Variants in ALOXE3 observed in about 807,000 individuals in gnomAD.
ALOXE3 encodes the protein arachidonate epidermal lipoxygenase 3.
A neutral mutation model predicts 87.5 loss-of-function variants in ALOXE3; 78 were observed. The observed-to-expected ratio is 0.89, with a 90% CI of 0.74 to 1.08. ALOXE3 has a LOEUF of 1.08. Ranked by LOEUF, ALOXE3 falls within the 50% of genes least tolerant of loss-of-function variation. The probability of loss-of-function intolerance (pLI) is 0.00; values close to 1 mark genes in which losing one functional copy is unlikely to be tolerated. For synonymous variants in ALOXE3, 363 were observed against 370.8 expected (o/e 0.98, Z 0.24); for missense variants, 946 against 912.4 (o/e 1.04, Z -0.47).
intron 6 of ALOXE3, among the ~76,000 whole-genome samples, chr17:8,112,583 A>G (rs1598213242): frequency 6.6e-6 from 1 of 152,052 alleles, no homozygotes; most frequent in African/African-American, 2.4e-5. Flanking sequence ...GGAGATCCCC[A>G]CCAGCCAGCT....
chr17:8,109,054 A>T, intron 12 of ALOXE3, 120 bp downstream of exon 12: 1 of 1,442,062 alleles, frequency 6.9e-7, no homozygotes, highest in Non-Finnish European at 9.4e-7. Flanking sequence ...TACCCTCAAG[A>T]ATTCCCTATG....
At chr17:8,112,249 G>A (rs1207829137) in intron 6 of ALOXE3, 53 bp from the exon 7 acceptor site, 1 of 1,377,094 alleles carries the variant, frequency 7.3e-7, no homozygotes, top group East Asian at 2.3e-5. Flanking sequence ...AGTCTGCTGG[G>A]AATCACTGTG....
At chr17:8,101,100 T>C (rs1439375285) in intron 15 of ALOXE3, among the ~76,000 whole-genome samples, 1 of 151,524 alleles carries the variant, frequency 6.6e-6, no homozygotes, top group Non-Finnish European at 1.5e-5. Context: ...CCATCTCAGC[T>C]CACTGCAACC....
At chr17:8,101,319 C>T (rs1436753817) in intron 15 of ALOXE3, among the ~76,000 whole-genome samples, 3 of 152,240 alleles carry the variant, frequency 2.0e-5, no homozygotes, top group Admixed American at 6.5e-5. Context: ...TGAGCCACCA[C>T]GCCTGGCTGC....
intron 15 of ALOXE3, among the ~76,000 whole-genome samples, chr17:8,099,929 G>T (rs1320032241): frequency 2.6e-5 from 4 of 151,948 alleles, no homozygotes; most frequent in African/African-American, 9.7e-5. Context: ...AATTAGCCAG[G>T]CGTGGTGATG....
intron 14 of ALOXE3, 75 bp downstream of exon 14, chr17:8,104,040 G>T: frequency 1.5e-6 from 2 of 1,322,984 alleles, no homozygotes; most frequent in Non-Finnish European, 2.1e-6. Flanking sequence ...ACCCACCCAA[G>T]CTCTCAACCC....
rs964857081 is a variant in ALOXE3, at chr17:8,115,320, A to C, written c.435-263T>G. Among the ~76,000 whole-genome samples the C allele has an allele frequency of 2.0e-5, 3 of 152,142 alleles. No individual in the cohort carries two copies. The East Asian group carries it at 5.8e-4, about 29-fold the overall frequency. On this transcript the variant is annotated intron_variant, in intron 4 of 15. Coordinates refer to ENST00000448843, the MANE Select transcript of ALOXE3 (RefSeq NM_021628.3). ...GTTTAGTGGGGGAGGCTGAGAAAGG[A>C]CTGAGATTGGTGGATACTTCAGGTC...
In ALOXE3 at chr17:8,118,064, G is replaced by A. The variant is rs995489078; in HGVS notation, c.-74C>T. ...CCGGCCTGGAGGAGAAGAGCGGCAC[G>A]CCGGACAGGGCTGGGTTTCTGGGCG... On this transcript the variant is annotated 5_prime_UTR_variant, in exon 2 of 16. Transcript: ENST00000448843. 1.9e-6 allele frequency: 3 copies of A among 1,577,154 alleles called. No homozygotes were observed. The highest frequency in any genetic ancestry group is 1.9e-5 in the Admixed American group (1 of 53,446).
rs1170239970 is a variant in ALOXE3, at chr17:8,109,990, G to C, written c.1318C>G (p.His440Asp). The C allele has an allele frequency of 1.9e-6, 3 of 1,553,824 alleles. No individual in the cohort carries two copies. Among genetic ancestry groups the C allele is most frequent in the Non-Finnish European group, 2.6e-6 (3 of 1,148,210 alleles). ...CHPIYKLLLP[H>D]TRYTLQVNTI... is the part of the protein sequence containing the mutation. Reference sequence around the variant, plus strand: ...TTCACCTGCAGCGTGTATCGAGTGTGGGGGAGTAGGAGCTGCGAGCGGAGC... The same window carrying C: ...TTCACCTGCAGCGTGTATCGAGTGTCGGGGAGTAGGAGCTGCGAGCGGAGC... Residue 440 changes from histidine (H) to aspartate (D), a missense_variant, in exon 11 of 16, where the codon CAC becomes GAC. Coordinates refer to ENST00000448843, the MANE Select transcript of ALOXE3 (RefSeq NM_021628.3).
intron 15 of ALOXE3, among the ~76,000 whole-genome samples, chr17:8,098,234 G>GT (rs71159546): frequency 0.011 from 932 of 87,454 alleles, 40 homozygotes; most frequent in African/African-American, 0.019. Context: ...TTTGGTTTTT[G>GT]TTTTTTTTTT....
rs1247169189 is a variant in ALOXE3 at position 8,114,485 on chromosome 17, C to G, written c.679G>C (p.Ala227Pro). The G allele has an allele frequency of 1.1e-5, 18 of 1,613,102 alleles. No homozygotes were observed. The East Asian group carries it at 1.3e-4, about 12-fold the overall frequency. ...TCATTAGAGGGACAATGGCCTTACG[C>G]AGGGATGGCATTGAAGAGCAGCGAG... ...TISLLFNAIP[A>P]SLGMKLRGLL... The change falls in exon 6 of 16, where the codon GCG (alanine) becomes CCG (proline). Residue 227 changes from alanine (A) to proline (P), a missense_variant and splice_region_variant. Ala to Pro is a conservative substitution (Grantham distance 27). Coordinates refer to ENST00000448843, the MANE Select transcript of ALOXE3 (RefSeq NM_021628.3).
chr17:8,110,258 A>C lies in ALOXE3; in HGVS notation c.1139T>G (p.Leu380Arg). The C allele has an allele frequency of 6.2e-7, 1 of 1,614,060 alleles. No individual in the cohort carries two copies. The highest frequency in any genetic ancestry group is 8.5e-7 in the Non-Finnish European group (1 of 1,179,926). Reference protein sequence around the residue: ...QTPGPDSPIFLPTDSEWDWLL... With the variant: ...QTPGPDSPIFRPTDSEWDWLL... Reference sequence around the variant, plus strand: ...CCAGTCCCATTCGGAGTCAGTGGGCAGGAAGATGGGGCTGTCAGGCCCGGG... The same window carrying C: ...CCAGTCCCATTCGGAGTCAGTGGGCCGGAAGATGGGGCTGTCAGGCCCGGG... Residue 380 changes from leucine to arginine, a missense_variant, in exon 10 of 16, where the codon CTG (leucine) becomes CGG (arginine). Transcript: ENST00000448843.
At chr17:8,108,836 A>G (rs1979740468) in intron 12 of ALOXE3, among the ~76,000 whole-genome samples, 1 of 152,052 alleles carries the variant, frequency 6.6e-6, no homozygotes, top group Non-Finnish European at 1.5e-5. Context: ...GTGCACGAAG[A>G]GTCTGATTCA....
intron 13 of ALOXE3, 90 bp downstream of exon 13, chr17:8,108,378 T>A: frequency 1.3e-6 from 2 of 1,551,544 alleles, no homozygotes; most frequent in South Asian, 2.3e-5. Context: ...CTTCAAAGGC[T>A]GGTCAATAAA....
intron 12 of ALOXE3, among the ~76,000 whole-genome samples, chr17:8,108,821 G>A (rs559144242): frequency 1.3e-5 from 2 of 152,232 alleles, no homozygotes; most frequent in East Asian, 1.9e-4. Context: ...GGGGTGGGCA[G>A]GGGAGTGCAC....
chr17:8,103,195 G>T, intron 15 of ALOXE3, 128 bp downstream of exon 15: 1 of 1,081,218 alleles, frequency 9.2e-7, no homozygotes, highest in East Asian at 2.5e-5. Flanking sequence ...AGAAATTGAA[G>T]AACCCAAGGC....
chr17:8,107,094 C>A (rs1052348997), intron 13 of ALOXE3, among the ~76,000 whole-genome samples: 8 of 152,162 alleles, frequency 5.3e-5, no homozygotes, highest in African/African-American at 1.9e-4. Context: ...ATTAGATCCC[C>A]CTTTGGGTCT....
At position 8,109,151 on chromosome 17, in the gene ALOXE3, T is replaced by C. The variant is rs376787640; in HGVS notation, c.1562+23A>G. On this transcript the variant is annotated intron_variant, in intron 12 of 15. Coordinates refer to ENST00000448843, the MANE Select transcript of ALOXE3 (RefSeq NM_021628.3). ...GGCCAGGAGACCCTGGTGGGACTGC[T>C]GGTCCCGCCCCGCACCTCGCACCTC... is the stretch of plus-strand genomic sequence containing the variant. 7 of 1,611,298 alleles carry C rather than the reference T, an allele frequency of 4.3e-6. No homozygotes were observed. The African/African-American group carries it at 9.3e-5, about 22-fold the overall frequency.
chr17:8,116,808 C>G lies in ALOXE3; in HGVS notation c.320G>C (p.Gly107Ala), dbSNP rs1568005522. Residue 107 changes from glycine (G) to alanine (A), a missense_variant, in exon 3 of 16, where the codon GGC becomes GCC. By Grantham distance (60) the Gly-to-Ala change is moderately conservative (BLOSUM62 0). Transcript: ENST00000448843. Reference sequence around the variant, plus strand: ...TGGCCTCAGCTCCACGGTGCAGTAGCCTTCAATCCACTGATAGCAGGGGAA... The same window carrying G: ...TGGCCTCAGCTCCACGGTGCAGTAGGCTTCAATCCACTGATAGCAGGGGAA... ...SHFPCYQWIE[G>A]YCTVELRPGT... is the part of the protein sequence containing the mutation. 10 of 1,614,234 alleles carry G rather than the reference C, an allele frequency of 6.2e-6. No individual in the cohort carries two copies. The highest frequency in any genetic ancestry group is 8.5e-6 in the Non-Finnish European group (10 of 1,180,038).
Sources: gnomAD v4.1 joint callset for allele counts (sites outside exome capture counted in the v4.1 genomes callset) on GRCh38, gnomAD v4.1.1 for gene constraint, MANE v1.5 for transcripts, NCBI Gene and HGNC (gene_info 2026-07-23, HGNC 2026-07-21) for gene names.